ABCB1: variants seen among roughly 807,000 people sequenced by gnomAD.
The protein encoded by ABCB1 is ATP-dependent translocase ABCB1.
A neutral mutation model predicts 142.0 loss-of-function variants in ABCB1; 69 were observed. The ratio of observed to expected loss-of-function variants is 0.49; its 90% confidence interval spans 0.40 to 0.59. ABCB1 has a LOEUF of 0.59. Ranked by LOEUF, ABCB1 falls within the 20% of genes least tolerant of loss-of-function variation. ABCB1 has a pLI of 0.00. For synonymous variants in ABCB1, 532 were observed against 539.2 expected, an observed-to-expected ratio of 0.99 and a Z score of 0.18; for missense variants, 1,326 against 1,554.7, an observed-to-expected ratio of 0.85 and a Z score of 2.47.
intron 1 of ABCB1, among the ~76,000 whole-genome samples, chr7:87,695,972 A>T (rs1196316607): frequency 1.3e-5 from 2 of 152,134 alleles, no homozygotes; most frequent in African/African-American, 4.8e-5. Context: ...AGATAATCAC[A>T]TAGCTGGTCA....
upstream of ABCB1, among the ~76,000 whole-genome samples, chr7:87,603,493 G>T (rs1051144182): frequency 6.6e-6 from 1 of 152,124 alleles, no homozygotes; most frequent in Non-Finnish European, 1.5e-5. Flanking sequence ...TGGAAAACCT[G>T]CAATGGCTCC....
chr7:87,660,858 T>C (rs1289242515), intron 1 of ABCB1, among the ~76,000 whole-genome samples: 8 of 152,116 alleles, frequency 5.3e-5, no homozygotes, highest in Non-Finnish European at 5.9e-5. Flanking sequence ...TTTCTGAAAA[T>C]AGGAGATTTT....
At chr7:87,555,309 C>T (rs1380255604) in intron 8 of ABCB1, among the ~76,000 whole-genome samples, 2 of 152,106 alleles carry the variant, frequency 1.3e-5, no homozygotes, top group Non-Finnish European at 2.9e-5. Flanking sequence ...AGAGGAGGAG[C>T]TAATAATTGT....
At chr7:87,693,525 A>G (rs1177456695) in intron 1 of ABCB1, among the ~76,000 whole-genome samples, 2 of 152,160 alleles carry the variant, frequency 1.3e-5, no homozygotes, top group Non-Finnish European at 2.9e-5. Context: ...AACCAATCTT[A>G]TAAGTTCTGA....
chr7:87,603,513 A>G (rs1424215178), upstream of ABCB1, among the ~76,000 whole-genome samples: 2 of 152,196 alleles, frequency 1.3e-5, no homozygotes, highest in Non-Finnish European at 2.9e-5. Flanking sequence ...CCTGCCACAG[A>G]CTATATCATA....
intron 1 of ABCB1, among the ~76,000 whole-genome samples, chr7:87,693,068 C>T (rs142956071): frequency 1.3e-5 from 2 of 152,146 alleles, no homozygotes; most frequent in Non-Finnish European, 2.9e-5. Context: ...GGACCATGTA[C>T]TATTGGAGAT....
chr7:87,521,018 A>T (rs1019148541), intron 21 of ABCB1, 142 bp from the exon 22 acceptor site: 2 of 683,426 alleles, frequency 2.9e-6, no homozygotes, highest in Non-Finnish European at 5.1e-6. Flanking sequence ...GTAGAAAAAG[A>T]TACTAAGTAA....
In ABCB1 at chr7:87,550,814, C is replaced by A; in HGVS notation, c.1024G>T (p.Ala342Ser). Residue 342 changes from alanine (A) to serine (S), a missense_variant, in exon 10 of 28, where the codon GCT (alanine) becomes TCT (serine). Transcript: ENST00000622132. ...GGAGATGCCTGTCCAACACTAAAAGCCCCAATTAATACAGAAAAGAATACC... is the reference window on the plus strand; with the variant it reads ...GGAGATGCCTGTCCAACACTAAAAGACCCAATTAATACAGAAAAGAATACC... ...LTVFFSVLIG[A>S]FSVGQASPSI... is the part of the protein sequence containing the mutation. The A allele has an allele frequency of 6.2e-7, 1 of 1,612,552 alleles. No individual in the cohort carries two copies. Among genetic ancestry groups the A allele is most frequent in the Non-Finnish European group, 8.5e-7 (1 of 1,178,670 alleles).
intron 7 of ABCB1, chr7:87,565,522 A>G (rs1817750235): frequency 4.6e-6 from 2 of 436,236 alleles, no homozygotes; most frequent in Non-Finnish European, 9.1e-6. Context: ...GGGACTAGAA[A>G]GTATCTGTTT....
chr7:87,611,928 G>C (rs1819868518), intron 1 of ABCB1, among the ~76,000 whole-genome samples: 1 of 152,080 alleles, frequency 6.6e-6, no homozygotes. Context: ...GAGCATGCTA[G>C]ATATAGAGAT....
At chr7:87,549,761 C>G in intron 13 of ABCB1, 90 bp downstream of exon 13, 2 of 1,479,990 alleles carry the variant, frequency 1.4e-6, no homozygotes, top group Non-Finnish European at 1.9e-6. Context: ...TCCCTTCTTC[C>G]GATTTATAGT....
chr7:87,538,488 G>C (rs945411131), intron 19 of ABCB1, among the ~76,000 whole-genome samples: 2 of 152,152 alleles, frequency 1.3e-5, no homozygotes, highest in African/African-American at 4.8e-5. Context: ...ACACCAAACT[G>C]ATGCCTCTTA....
At chr7:87,660,183 A>G (rs752039841) in intron 1 of ABCB1, among the ~76,000 whole-genome samples, 33 of 151,786 alleles carry the variant, frequency 2.2e-4, no homozygotes, top group Non-Finnish European at 4.6e-4. Flanking sequence ...ATCATGGTCT[A>G]TTAGGTAGCA....
At chr7:87,689,447 T>G (rs1295832076) in intron 1 of ABCB1, among the ~76,000 whole-genome samples, 3 of 152,276 alleles carry the variant, frequency 2.0e-5, no homozygotes, top group South Asian at 2.1e-4. Context: ...AAAATTGCTT[T>G]CTTTATTATT....
In ABCB1 at chr7:87,626,106, ATATATGTGTCATATATATT is replaced by A. The variant is rs1563079581; in HGVS notation, c.-330-25047_-330-25029del. On this transcript the variant is annotated intron_variant, in intron 1 of 28. Coordinates refer to the ABCB1 transcript ENST00000265724. The stretch of plus-strand genomic sequence containing the variant: ...TATATATATATATATATATTGTCAT[ATATATGTGTCATATATATT>A]GTCATATATATGTGTCATATATATT... Among the ~76,000 whole-genome samples the A allele has an allele frequency of 3.3e-4, 46 of 137,544 alleles. 2 individuals are homozygous for A. The highest frequency in any genetic ancestry group is 2.7e-3 in the South Asian group (11 of 4,056). The allele number at this position is 137,544 out of a possible 152,430, so 90.2% of individuals were successfully genotyped here.
intron 1 of ABCB1, among the ~76,000 whole-genome samples, chr7:87,679,141 G>A (rs1826671352): frequency 7.1e-6 from 1 of 140,920 alleles, no homozygotes; most frequent in African/African-American, 2.7e-5. Context: ...CCCCCAGGCT[G>A]GAGTGCAGTG....
chr7:87,601,680 A>G (rs1367006590), upstream of ABCB1, among the ~76,000 whole-genome samples: 2 of 152,362 alleles, frequency 1.3e-5, no homozygotes, highest in East Asian at 3.9e-4. Flanking sequence ...CAATCTGCAC[A>G]ATTCAAAATT....
intron 1 of ABCB1, among the ~76,000 whole-genome samples, chr7:87,664,698 C>G (rs992055285): frequency 2.0e-5 from 3 of 151,850 alleles, no homozygotes; most frequent in African/African-American, 7.3e-5. Context: ...TAGAAATGAT[C>G]CAATCTGAAG....
intron 4 of ABCB1, among the ~76,000 whole-genome samples, chr7:87,572,529 C>G (rs1177632383): frequency 1.3e-5 from 2 of 152,102 alleles, no homozygotes; most frequent in Admixed American, 1.3e-4. Flanking sequence ...CTTCACCTTT[C>G]AAAGTGTACC....
Sources: allele counts gnomAD v4.1 joint callset (sites outside exome capture counted in the v4.1 genomes callset), GRCh38; gene constraint gnomAD v4.1.1; transcripts MANE v1.5; gene names NCBI Gene and HGNC (gene_info 2026-07-23, HGNC 2026-07-21).